GLDN: variants seen among roughly 807,000 people sequenced by gnomAD.
The protein encoded by GLDN is gliomedin, also known as collomin.
GLDN carries 47 observed loss-of-function variants against 56.5 expected under a neutral mutation model. The observed-to-expected ratio is 0.83, with a 90% confidence interval of 0.66 to 1.06. The LOEUF is 1.06. Among genes scored for constraint, GLDN ranks in the 50% least tolerant of loss-of-function variants. The pLI is 0.00. For missense variants in GLDN, 782 were observed against 714.3 expected (o/e 1.09, Z -1.08); for synonymous variants, 332 against 278.8 (o/e 1.19, Z -1.90).
chr15:51,397,496 G>A lies in GLDN; in HGVS notation c.715G>A (p.Gly239Ser), dbSNP rs774891841. 51 of 1,556,682 alleles carry A rather than the reference G, an allele frequency of 3.3e-5. No individual in the cohort carries two copies. Among genetic ancestry groups the A allele is most frequent in the Middle Eastern group, 3.4e-4 (2 of 5,818 alleles). The change falls in exon 6 of 10, where the codon GGT (glycine) becomes AGT (serine). Residue 239 changes from glycine to serine, a missense_variant. Gly to Ser is a moderately conservative substitution (Grantham distance 56). Coordinates refer to ENST00000335449, the MANE Select transcript of GLDN (RefSeq NM_181789.4). ...TGCCAAAGGTGACCAAGGCCCACCC[G>A]GTCCACCTGGGCCCCCAGGCCCTCC... is the stretch of plus-strand genomic sequence containing the variant. ...AGAKGDQGPP[G>S]PPGPPGPPGP...
chr15:51,409,229 A>T (rs1263133050), downstream of GLDN, among the ~76,000 whole-genome samples: 7 of 151,716 alleles, frequency 4.6e-5, no homozygotes. Flanking sequence ...ATATTTACAT[A>T]AAACTCCCCA....
chr15:51,367,778 G>T (rs967005230), intron 1 of GLDN, among the ~76,000 whole-genome samples: 4 of 152,164 alleles, frequency 2.6e-5, no homozygotes, highest in African/African-American at 4.8e-5. Context: ...TGTCAGCCTG[G>T]CTGACCCAGC....
intron 9 of GLDN, among the ~76,000 whole-genome samples, chr15:51,403,143 G>A (rs1021608483): frequency 6.6e-6 from 1 of 152,236 alleles, no homozygotes; most frequent in African/African-American, 2.4e-5. Flanking sequence ...TTAGGAGGCT[G>A]TACTGCTCTA....
At chr15:51,359,499 AT>A (rs1460690390) in intron 1 of GLDN, among the ~76,000 whole-genome samples, 2 of 152,188 alleles carry the variant, frequency 1.3e-5, no homozygotes, top group Non-Finnish European at 2.9e-5. Flanking sequence ...CCCAGTGTGG[AT>A]CCCCATTGGG....
Position 51,394,994 on chromosome 15 carries a change from C to T in GLDN, c.688+13C>T, listed in dbSNP as rs749261145. 6.4e-6 allele frequency: 10 copies of T among 1,565,234 alleles called. No homozygotes were observed. Among genetic ancestry groups the T allele is most frequent in the Admixed American group, 4.1e-5 (2 of 48,658 alleles). Reference sequence around the variant, plus strand: ...GTGCTCCTGGCAGGTAAGAGGGGTACGCTGTGGCTCTCTTTGAGGGCTTGT... The same window carrying T: ...GTGCTCCTGGCAGGTAAGAGGGGTATGCTGTGGCTCTCTTTGAGGGCTTGT... On this transcript the variant is annotated intron_variant, in intron 5 of 9. Coordinates refer to ENST00000335449, the MANE Select transcript of GLDN (RefSeq NM_181789.4).
intron 4 of GLDN, 134 bp downstream of exon 4, chr15:51,384,026 C>G (rs752720895): frequency 4.0e-5 from 30 of 751,112 alleles, no homozygotes; most frequent in Non-Finnish European, 7.1e-5. Flanking sequence ...TAACTCTTAC[C>G]TAGAAGCCAT....
At chr15:51,391,290 T>C (rs530980058) in intron 4 of GLDN, among the ~76,000 whole-genome samples, 1 of 152,254 alleles carries the variant, frequency 6.6e-6, no homozygotes, top group South Asian at 2.1e-4. Flanking sequence ...ACATATGGCC[T>C]TTCCGAGAAA....
At chr15:51,379,174 A>G (rs1268720584) in intron 2 of GLDN, among the ~76,000 whole-genome samples, 1 of 152,210 alleles carries the variant, frequency 6.6e-6, no homozygotes, top group African/African-American at 2.4e-5. Context: ...GTAATCCCCT[A>G]GCTAGAGTAA....
chr15:51,360,795 G>A (rs1223429834), intron 1 of GLDN, among the ~76,000 whole-genome samples: 2 of 152,186 alleles, frequency 1.3e-5, no homozygotes, highest in African/African-American at 4.8e-5. Context: ...TAAAGCAGGG[G>A]CCATTATATA....
chr15:51,355,784 A>T (rs1305114540), intron 1 of GLDN, among the ~76,000 whole-genome samples: 4 of 148,892 alleles, frequency 2.7e-5, no homozygotes, highest in Non-Finnish European at 5.9e-5. Flanking sequence ...TGGCCTCCCA[A>T]AGTGCTGGGA....
At chr15:51,370,548 G>A (rs1156770679) in intron 1 of GLDN, among the ~76,000 whole-genome samples, 2 of 152,106 alleles carry the variant, frequency 1.3e-5, no homozygotes, top group African/African-American at 4.8e-5. Flanking sequence ...TTCAAGTGAT[G>A]GGGGTAATCG....
At chr15:51,409,306 G>A (rs2038439776), downstream of GLDN, among the ~76,000 whole-genome samples, 1 of 151,928 alleles carries the variant, frequency 6.6e-6, no homozygotes, top group Non-Finnish European at 1.5e-5. Context: ...ACCTTCCCTA[G>A]AAGTGCCTGT....
chr15:51,405,387 T>G lies in GLDN; in HGVS notation c.*633T>G, dbSNP rs1222261376. 3 of 151,744 alleles carry G rather than the reference T, an allele frequency of 2.0e-5. No individual in the cohort carries two copies. Among genetic ancestry groups the G allele is most frequent in the Non-Finnish European group, 4.4e-5 (3 of 67,950 alleles). 9.4% of individuals were successfully genotyped at this position (151,744 alleles called of 1,614,324 possible). On this transcript the variant is annotated 3_prime_UTR_variant, in exon 10 of 10. Transcript: ENST00000335449. The stretch of plus-strand genomic sequence containing the variant: ...CAGCTACATGTTCAGGTTTTTTTTT[T>G]TTTTTTTTTTTCAATAAGCTATTTT...
rs115347034 is a variant in GLDN, at chr15:51,357,626, C to T, written c.363+15579C>T. Among the ~76,000 whole-genome samples, 1,273 of 152,230 alleles carry T rather than the reference C, an allele frequency of 8.4e-3. 18 individuals are homozygous for T. Among genetic ancestry groups the T allele is most frequent in the African/African-American group, 0.029 (1,201 of 41,534 alleles). ...CCAGTTCCACCTTTTTCTACCTTTC[C>T]TGAGAAAAGCCAAGGGCTGACTAGA... On this transcript the variant is annotated intron_variant, in intron 1 of 9. Coordinates refer to ENST00000335449, the MANE Select transcript of GLDN (RefSeq NM_181789.4).
chr15:51,368,413 C>A (rs1882001456), intron 1 of GLDN, among the ~76,000 whole-genome samples: 1 of 151,872 alleles, frequency 6.6e-6, no homozygotes, highest in Admixed American at 6.6e-5. Context: ...CTCTGCAGAT[C>A]CCTGGCAGGA....
chr15:51,361,316 C>T (rs974860987), intron 1 of GLDN, among the ~76,000 whole-genome samples: 5 of 152,190 alleles, frequency 3.3e-5, no homozygotes, highest in African/African-American at 1.2e-4. Context: ...AAATATGTCT[C>T]ATGGTTTTTT....
intron 1 of GLDN, among the ~76,000 whole-genome samples, chr15:51,366,145 C>CTG (rs143610109): frequency 0.12 from 17,645 of 152,100 alleles, 1,931 homozygotes; most frequent in African/African-American, 0.28. Flanking sequence ...CAAGTTGTCA[C>CTG]TGTGTGTGTG....
At chr15:51,396,686 C>T (rs1389525202) in intron 5 of GLDN, among the ~76,000 whole-genome samples, 1 of 148,822 alleles carries the variant, frequency 6.7e-6, no homozygotes, top group African/African-American at 2.4e-5. Flanking sequence ...CCTCAGGAAG[C>T]TAGGATGATG....
chr15:51,377,544 G>A lies in GLDN; in HGVS notation c.415+44G>A, dbSNP rs16964316. The A allele has an allele frequency of 0.046, 70,565 of 1,550,248 alleles. 4,109 individuals carry two copies. The highest frequency in any genetic ancestry group is 0.25 in the African/African-American group (17,996 of 73,226). ...AGAGCCGCTCACACAACAAGGACTTGTGCCGCTGAAGGCCCGTGGCAGAAT... is the reference window on the plus strand; with the variant it reads ...AGAGCCGCTCACACAACAAGGACTTATGCCGCTGAAGGCCCGTGGCAGAAT... On this transcript the variant is annotated intron_variant, in intron 2 of 9. Transcript: ENST00000335449.
Sources: allele counts gnomAD v4.1 joint callset (sites outside exome capture counted in the v4.1 genomes callset), GRCh38; gene constraint gnomAD v4.1.1; transcripts MANE v1.5; gene names NCBI Gene and HGNC (gene_info 2026-07-23, HGNC 2026-07-21).